Variants in LRCH1 observed in about 807,000 individuals in gnomAD.
The protein encoded by LRCH1 is leucine rich repeats and calponin homology domain containing 1.
A neutral mutation model predicts 94.9 loss-of-function variants in LRCH1; 23 were observed. The observed-to-expected ratio is 0.24, with a 90% CI of 0.17 to 0.34. The LOEUF (loss-of-function observed/expected upper bound fraction) is 0.34, where lower values mean the gene tolerates loss of function less well. Ranked by LOEUF, LRCH1 falls within the 10% of genes least tolerant of loss-of-function variation. LRCH1 has a pLI of 1.00. For missense variants in LRCH1, 790 were observed against 945.9 expected, an observed-to-expected ratio of 0.84 and a Z score of 2.16; for synonymous variants, 364 against 354.9, an observed-to-expected ratio of 1.03 and a Z score of -0.29.
chr13:46,723,186 C>G (rs1336879517), intron 16 of LRCH1, 35 bp from the exon 17 acceptor site: 3 of 1,240,976 alleles, frequency 2.4e-6, no homozygotes, highest in Admixed American at 1.9e-5. Context: ...TGACAAGGCA[C>G]TATATAAAGG....
chr13:46,657,316 C>T (rs1430152841), intron 2 of LRCH1, among the ~76,000 whole-genome samples: 1 of 151,114 alleles, frequency 6.6e-6, no homozygotes, highest in East Asian at 1.9e-4. Flanking sequence ...CATCAGTAAT[C>T]AACTTACTAT....
At chr13:46,676,550 A>G (rs114652135) in intron 3 of LRCH1, among the ~76,000 whole-genome samples, 272 of 152,310 alleles carry the variant, frequency 1.8e-3, no homozygotes, top group African/African-American at 6.3e-3. Flanking sequence ...ACGTGATAGG[A>G]GGCTACTATT....
chr13:46,662,191 T>C (rs183188142), intron 2 of LRCH1, among the ~76,000 whole-genome samples: 2 of 152,166 alleles, frequency 1.3e-5, no homozygotes, highest in Admixed American at 1.3e-4. Flanking sequence ...TAGGAATACC[T>C]TCCTGATAGT....
intron 1 of LRCH1, among the ~76,000 whole-genome samples, chr13:46,639,531 A>G (rs1258460421): frequency 1.3e-5 from 2 of 152,182 alleles, no homozygotes; most frequent in Admixed American, 6.5e-5. Context: ...TCAAATAATC[A>G]TGTGATTTAG....
chr13:46,727,667 G>A (rs1198359256), intron 17 of LRCH1, among the ~76,000 whole-genome samples: 1 of 152,000 alleles, frequency 6.6e-6, no homozygotes, highest in Non-Finnish European at 1.5e-5. Flanking sequence ...GTCAACATGG[G>A]GGATCCTTGT....
chr13:46,608,250 T>G (rs997050952), intron 1 of LRCH1, among the ~76,000 whole-genome samples: 4 of 152,200 alleles, frequency 2.6e-5, no homozygotes, highest in African/African-American at 9.6e-5. Context: ...CGTGTTCTTG[T>G]GCGACCTCCA....
chr13:46,742,515 C>G lies in LRCH1; in HGVS notation c.*667C>G. On this transcript the variant is annotated 3_prime_UTR_variant, in exon 20 of 20. Coordinates refer to ENST00000389797, the MANE Select transcript of LRCH1 (RefSeq NM_001164211.2). ...TTCCACCCCGGCAAGCCCCTCTGTC[C>G]TATGCAGAAGGGCGCTCAAGGGAAG... 1.0e-6 allele frequency: 1 copy of G among 985,172 alleles called. No individual in the cohort carries two copies. Among genetic ancestry groups the G allele is most frequent in the South Asian group, 4.7e-5 (1 of 21,278 alleles). 61.0% of individuals were successfully genotyped at this position (985,172 alleles called of 1,614,324 possible).
At chr13:46,593,738 A>G (rs1342970615) in intron 1 of LRCH1, among the ~76,000 whole-genome samples, 1 of 152,140 alleles carries the variant, frequency 6.6e-6, no homozygotes, top group Non-Finnish European at 1.5e-5. Flanking sequence ...GGCTGGTGCC[A>G]CCACTACATC....
intron 1 of LRCH1, among the ~76,000 whole-genome samples, chr13:46,589,542 G>A (rs1240792918): frequency 6.9e-6 from 1 of 145,344 alleles, no homozygotes; most frequent in Non-Finnish European, 1.5e-5. Flanking sequence ...AATTCATATT[G>A]TAGTCCTAAA....
rs146473301 is a variant in LRCH1, at chr13:46,725,081, A to G, written c.1869+1751A>G. Among the ~76,000 whole-genome samples the G allele has an allele frequency of 2.2e-3, 335 of 152,348 alleles. 1 individual carries two copies. Among genetic ancestry groups the G allele is most frequent in the African/African-American group, 7.9e-3 (328 of 41,580 alleles). ...AACATGGATGCTACTGGAGGCCACT[A>G]TCCTAAGCAAATTAATACAGAAATG... On this transcript the variant is annotated intron_variant, in intron 17 of 19. Transcript: ENST00000389797.
chr13:46,720,048 A>G (rs1018858558), intron 16 of LRCH1, among the ~76,000 whole-genome samples: 1 of 152,016 alleles, frequency 6.6e-6, no homozygotes, highest in Non-Finnish European at 1.5e-5. Context: ...TAATTAAACT[A>G]TAGGCTTAAT....
intron 4 of LRCH1, among the ~76,000 whole-genome samples, chr13:46,683,959 A>C (rs1870468946): frequency 6.6e-6 from 1 of 152,216 alleles, no homozygotes; most frequent in African/African-American, 2.4e-5. Context: ...GACTGTAAAG[A>C]CTTTCCCTAT....
intron 14 of LRCH1, 37 bp from the exon 15 acceptor site, chr13:46,712,488 A>AT (rs750222170): frequency 6.1e-5 from 92 of 1,504,934 alleles, no homozygotes; most frequent in Non-Finnish European, 8.1e-5. Context: ...TTTTCCTTTT[A>AT]TTTTTTTCCT....
chr13:46,680,969 G>A (rs1410274970), intron 3 of LRCH1, among the ~76,000 whole-genome samples: 1 of 152,202 alleles, frequency 6.6e-6, no homozygotes, highest in Admixed American at 6.5e-5. Context: ...GAAGAGCCCA[G>A]CACGGCTCCC....
chr13:46,732,840 C>T (rs1012569912), intron 18 of LRCH1, among the ~76,000 whole-genome samples: 7 of 152,194 alleles, frequency 4.6e-5, no homozygotes, highest in Non-Finnish European at 8.8e-5. Context: ...TTGGGCAAAA[C>T]CACCGAAGCA....
At chr13:46,617,932 A>G (rs112311385) in intron 1 of LRCH1, among the ~76,000 whole-genome samples, 78 of 152,310 alleles carry the variant, frequency 5.1e-4, no homozygotes, top group African/African-American at 1.8e-3. Flanking sequence ...ACTAGATACT[A>G]GGACAGTGAG....
intron 1 of LRCH1, among the ~76,000 whole-genome samples, chr13:46,554,827 C>G (rs1272037083): frequency 6.9e-6 from 1 of 144,398 alleles, no homozygotes; most frequent in Non-Finnish European, 1.5e-5. Context: ...GTTTTGGAGC[C>G]GCTGCCCAGA....
At chr13:46,741,390 G>T (rs6561329) in intron 19 of LRCH1, among the ~76,000 whole-genome samples, 137,470 of 152,248 alleles carry the variant, frequency 0.9, 63,428 homozygotes, top group Non-Finnish European at 1. Flanking sequence ...TTGCAGAACA[G>T]GCCGTTCCTC....
chr13:46,661,875 A>G (rs1281164456), intron 2 of LRCH1, among the ~76,000 whole-genome samples: 1 of 152,226 alleles, frequency 6.6e-6, no homozygotes, highest in African/African-American at 2.4e-5. Context: ...AGTCAGTATC[A>G]GTATCCCTTT....
Sources: gnomAD v4.1 joint callset for allele counts (sites outside exome capture counted in the v4.1 genomes callset) on GRCh38, gnomAD v4.1.1 for gene constraint, MANE v1.5 for transcripts, NCBI Gene and HGNC (gene_info 2026-07-23, HGNC 2026-07-21) for gene names.